HKDC1: variants seen among roughly 807,000 people sequenced by gnomAD.
HKDC1 encodes the protein hexokinase domain containing 1, also known as hexokinase HKDC1.
In HKDC1, 66 loss-of-function variants were observed where a neutral mutation model predicts 96.6. The observed-to-expected ratio is 0.68, with a 90% confidence interval of 0.56 to 0.84. The LOEUF (loss-of-function observed/expected upper bound fraction) is 0.84. HKDC1 is among the 40% of genes least tolerant of loss of function. The pLI is 0.00. For synonymous variants in HKDC1, 466 were observed against 473.1 expected (o/e 0.98, Z 0.20); for missense variants, 1,211 against 1,208.1 (o/e 1.00, Z -0.04).
In HKDC1 at chr10:69,257,319, GTTTTTAGGAGT is replaced by G. The variant is rs755079129; in HGVS notation, c.1933-5_1938del. On this transcript the variant is annotated splice_acceptor_variant and splice_polypyrimidine_tract_variant and coding_sequence_variant and intron_variant, in exon 14 of 18. Coordinates refer to ENST00000354624, the MANE Select transcript of HKDC1 (RefSeq NM_025130.4). LOFTEE classifies it high-confidence loss of function. ...CTGGGTTTTTTTTGTTTTTGTTTTT[GTTTTTAGGAGT>G]TTGACCTGGACATTGTTGCAGTCGT... 2 of 1,610,442 alleles carry G rather than the reference GTTTTTAGGAGT, an allele frequency of 1.2e-6. No individual in the cohort carries two copies. The highest frequency in any genetic ancestry group is 2.7e-5 in the African/African-American group (2 of 74,772).
chr10:69,238,205 A>G (rs1253702290), intron 4 of HKDC1, among the ~76,000 whole-genome samples: 1 of 152,196 alleles, frequency 6.6e-6, no homozygotes, highest in Non-Finnish European at 1.5e-5. Context: ...CAGGCTCCCA[A>G]GTAGCTGGGA....
Position 69,248,412 on chromosome 10 carries a change from C to T in HKDC1, c.1266-12C>T. The T allele has an allele frequency of 6.5e-7, 1 of 1,540,640 alleles. No homozygotes were observed. The highest frequency in any genetic ancestry group is 8.8e-7 in the Non-Finnish European group (1 of 1,141,592). On this transcript the variant is annotated splice_polypyrimidine_tract_variant and intron_variant, in intron 9 of 17. Coordinates refer to ENST00000354624, the MANE Select transcript of HKDC1 (RefSeq NM_025130.4). Reference sequence around the variant, plus strand: ...ATGATTGCTAAATATTTTGCCATCACCCCTGCTTCAGGTACCCAAAACGCC... The same window carrying T: ...ATGATTGCTAAATATTTTGCCATCATCCCTGCTTCAGGTACCCAAAACGCC...
intron 12 of HKDC1, among the ~76,000 whole-genome samples, chr10:69,253,828 A>G (rs1350923504): frequency 6.6e-6 from 1 of 152,194 alleles, no homozygotes. Context: ...TCAGCTTCAC[A>G]GACAGACTCA....
intron 1 of HKDC1, among the ~76,000 whole-genome samples, chr10:69,220,862 G>A (rs1322825724): frequency 1.3e-5 from 2 of 152,144 alleles, no homozygotes; most frequent in African/African-American, 2.4e-5. Flanking sequence ...AACTGTTGGA[G>A]CAGAAGGCTG....
At chr10:69,255,704 G>T (rs1378547153) in intron 12 of HKDC1, among the ~76,000 whole-genome samples, 1 of 152,100 alleles carries the variant, frequency 6.6e-6, no homozygotes, top group Non-Finnish European at 1.5e-5. Flanking sequence ...ATCACTTGAG[G>T]TCAGGAGTTC....
At chr10:69,263,478 T>C (rs1843842382) in intron 16 of HKDC1, among the ~76,000 whole-genome samples, 3 of 152,216 alleles carry the variant, frequency 2.0e-5, no homozygotes, top group Admixed American at 2.0e-4. Context: ...GTAGGTGCTG[T>C]GCTGACTGCA....
rs1189673607 is a variant in HKDC1, at chr10:69,247,709, G to T, written c.1265+116G>T. 7.9e-6 allele frequency: 6 copies of T among 763,590 alleles called. No individual in the cohort carries two copies. The East Asian group carries it at 1.6e-4, about 21-fold the overall frequency. 47.3% of individuals were successfully genotyped at this position (763,590 alleles called of 1,614,324 possible). Reference sequence around the variant, plus strand: ...CTGGAACCAACAACCCCTCTTGTTGGTTCTGAGATTACAAGGGAAAAGGTG... The same window carrying T: ...CTGGAACCAACAACCCCTCTTGTTGTTTCTGAGATTACAAGGGAAAAGGTG... On this transcript the variant is annotated intron_variant, in intron 9 of 17. Coordinates refer to ENST00000354624, the MANE Select transcript of HKDC1 (RefSeq NM_025130.4).
chr10:69,237,844 G>T (rs745923880), intron 4 of HKDC1, among the ~76,000 whole-genome samples: 2 of 152,136 alleles, frequency 1.3e-5, no homozygotes, highest in African/African-American at 4.8e-5. Context: ...TCCTTCACTC[G>T]CGGTGAAATT....
Position 69,242,500 on chromosome 10 carries a change from G to T in HKDC1, c.692-682G>T, listed in dbSNP as rs1053219268. Among the ~76,000 whole-genome samples the T allele has an allele frequency of 2.7e-5, 4 of 149,444 alleles. No individual in the cohort carries two copies. The East Asian group carries it at 7.8e-4, about 29-fold the overall frequency. ...GAGGCATAAAAGTCCTCCGATTTTA[G>T]GTATACGATTCAATGATTTGTAGTA... On this transcript the variant is annotated intron_variant, in intron 6 of 17. Transcript: ENST00000354624.
At chr10:69,239,733 T>C (rs1470564255) in intron 5 of HKDC1, among the ~76,000 whole-genome samples, 1 of 151,720 alleles carries the variant, frequency 6.6e-6, no homozygotes, top group Non-Finnish European at 1.5e-5. Context: ...TATTGTTTTA[T>C]AGCCTGCATT....
chr10:69,252,687 T>G (rs1843662725), intron 12 of HKDC1, among the ~76,000 whole-genome samples: 1 of 147,930 alleles, frequency 6.8e-6, no homozygotes. Flanking sequence ...TGGTGGCACA[T>G]GCCTGTGGTC....
At chr10:69,246,358 A>C in intron 8 of HKDC1, 124 bp downstream of exon 8, 1 of 1,080,182 alleles carries the variant, frequency 9.3e-7, no homozygotes. Context: ...AAGATTTCAG[A>C]CCTGGGCATG....
intron 10 of HKDC1, among the ~76,000 whole-genome samples, chr10:69,250,027 C>T (rs955427867): frequency 2.6e-5 from 4 of 152,194 alleles, no homozygotes; most frequent in Admixed American, 1.3e-4. Context: ...GCTCTTTTCA[C>T]GGCACCTCAC....
intron 2 of HKDC1, 42 bp from the exon 3 acceptor site, chr10:69,232,722 G>C: frequency 6.3e-7 from 1 of 1,589,054 alleles, no homozygotes; most frequent in Non-Finnish European, 8.6e-7. Context: ...CATATCTGTA[G>C]TAGACCCTCA....
chr10:69,220,725 G>T (rs1407825370), intron 1 of HKDC1, among the ~76,000 whole-genome samples: 2 of 152,224 alleles, frequency 1.3e-5, no homozygotes, highest in African/African-American at 4.8e-5. Flanking sequence ...CTTCCTGGCA[G>T]GTATTGGATG....
chr10:69,238,946 G>T, intron 4 of HKDC1, 96 bp from the exon 5 acceptor site: 1 of 754,120 alleles, frequency 1.3e-6, no homozygotes, highest in African/African-American at 1.7e-5. Flanking sequence ...GAGAAGAGAA[G>T]GCCATGGGGG....
At chr10:69,229,989 A>G (rs888805547) in intron 2 of HKDC1, among the ~76,000 whole-genome samples, 1 of 152,178 alleles carries the variant, frequency 6.6e-6, no homozygotes, top group African/African-American at 2.4e-5. Context: ...CCGACAAAAA[A>G]CAAGCAAAAC....
Position 69,232,745 on chromosome 10 carries a change from T to C in HKDC1, c.227-19T>C. 1 of 1,613,052 alleles carries C rather than the reference T, an allele frequency of 6.2e-7. No individual in the cohort carries two copies. Among genetic ancestry groups the C allele is most frequent in the Non-Finnish European group, 8.5e-7 (1 of 1,179,188 alleles). ...TAGTAGACCCTCAATAAATGGAAACTGAATTTGTTTCTTAATAGAAAATGG... is the reference window on the plus strand; with the variant it reads ...TAGTAGACCCTCAATAAATGGAAACCGAATTTGTTTCTTAATAGAAAATGG... On this transcript the variant is annotated intron_variant, in intron 2 of 17. Transcript: ENST00000354624.
chr10:69,233,854 T>C (rs1448211997), intron 4 of HKDC1, among the ~76,000 whole-genome samples: 1 of 120,682 alleles, frequency 8.3e-6, no homozygotes, highest in East Asian at 2.7e-4. Flanking sequence ...GCCGAGATTG[T>C]GCCACTGCAC....
Sources: allele counts gnomAD v4.1 joint callset (sites outside exome capture counted in the v4.1 genomes callset), GRCh38; gene constraint gnomAD v4.1.1; transcripts MANE v1.5; gene names NCBI Gene and HGNC (gene_info 2026-07-23, HGNC 2026-07-21).